The following CHCT1 variants were observed in gnomAD, a reference collection of about 807,000 sequenced individuals.
The protein encoded by CHCT1 is CHD1 helical C-terminal domain containing protein 1.
chr17:60,430,380 C>G, the CHCT1 span, among the ~76,000 whole-genome samples: 9 of 152,124 alleles, frequency 5.9e-5, no homozygotes, highest in African/African-American at 9.7e-5. Flanking sequence ...CATGGACCCA[C>G]CGGGAATGGG....
the CHCT1 span, among the ~76,000 whole-genome samples, chr17:60,430,122 C>CCTTT: frequency 4.7e-5 from 3 of 64,316 alleles, 1 homozygote; most frequent in African/African-American, 1.1e-4. Context: ...ACGCACCTGG[C>CCTTT]TTTTTTTTTT....
chr17:60,426,577 C>A, the CHCT1 span: 219 of 1,270,936 alleles, frequency 1.7e-4, 2 homozygotes, highest in East Asian at 4.8e-3. Flanking sequence ...GGCAAATCCC[C>A]ACCCCTCCAT....
chr17:60,431,086 C>A, the CHCT1 span: 1 of 823,308 alleles, frequency 1.2e-6, no homozygotes, highest in Non-Finnish European at 1.9e-6. Context: ...TGCTATTCTT[C>A]CTCTCTGCCC....
chr17:60,425,237 A>G, the CHCT1 span, among the ~76,000 whole-genome samples: 26 of 152,156 alleles, frequency 1.7e-4, no homozygotes, highest in Admixed American at 1.7e-3. Context: ...TCTTTCTCAC[A>G]GTGACATGAT....
the CHCT1 span, chr17:60,425,874 C>A: frequency 8.4e-6 from 13 of 1,550,894 alleles, no homozygotes; most frequent in African/African-American, 1.6e-4. Flanking sequence ...GATCAGGACA[C>A]CTTCAAAACT....
the CHCT1 span, among the ~76,000 whole-genome samples, chr17:60,424,167 G>T: frequency 1.3e-5 from 2 of 152,146 alleles, no homozygotes; most frequent in African/African-American, 4.8e-5. Context: ...ATTCATGAAG[G>T]ATCCACCCCC....
At chr17:60,421,845 G>C in the CHCT1 span, 1 of 985,226 alleles carries the variant, frequency 1.0e-6, no homozygotes, top group Admixed American at 6.1e-5. Context: ...CCGCCTGGTG[G>C]CTGCGCACAC....
At chr17:60,430,749 G>A in the CHCT1 span, among the ~76,000 whole-genome samples, 2 of 152,346 alleles carry the variant, frequency 1.3e-5, no homozygotes, top group Admixed American at 1.3e-4. Flanking sequence ...CCGAAGTGCT[G>A]GGATTACAGG....
chr17:60,428,982 A>G, the CHCT1 span, among the ~76,000 whole-genome samples: 1 of 151,426 alleles, frequency 6.6e-6, no homozygotes, highest in Non-Finnish European at 1.5e-5. Context: ...GGCTCACTGC[A>G]ACCTCCGCCT....
the CHCT1 span, chr17:60,421,603 G>C: frequency 2.0e-6 from 2 of 982,838 alleles, no homozygotes; most frequent in Non-Finnish European, 2.4e-6. Flanking sequence ...CGGGGGCAAC[G>C]GTCTCTCGTC....
chr17:60,426,811 G>C, the CHCT1 span: 6 of 1,603,094 alleles, frequency 3.7e-6, no homozygotes, highest in Middle Eastern at 1.6e-4. Flanking sequence ...AGCCGGCCAA[G>C]TTCCTGGTGA....
the CHCT1 span, chr17:60,431,099 A>C: frequency 1.0e-6 from 1 of 981,126 alleles, no homozygotes; most frequent in African/African-American, 1.7e-5. Flanking sequence ...CTCTGCCCCT[A>C]CAACACCCCC....
the CHCT1 span, chr17:60,426,082 G>A: frequency 7.9e-4 from 1,144 of 1,449,330 alleles, 15 homozygotes; most frequent in African/African-American, 0.013. Context: ...CGGCCAGACC[G>A]GTGTGCTGGA....
chr17:60,425,752 C>A, the CHCT1 span: 2 of 1,500,250 alleles, frequency 1.3e-6, no homozygotes, highest in African/African-American at 2.8e-5. Flanking sequence ...CGGTCCAATC[C>A]CCCGGCTTAG....
At chr17:60,421,985 A>AC in the CHCT1 span, 1 of 974,960 alleles carries the variant, frequency 1.0e-6, no homozygotes, top group South Asian at 4.7e-5. Context: ...ATCTTTATAC[A>AC]CCCCCAAAAC....
the CHCT1 span, among the ~76,000 whole-genome samples, chr17:60,429,767 C>G: frequency 6.6e-6 from 1 of 151,764 alleles, no homozygotes; most frequent in Non-Finnish European, 1.5e-5. Context: ...TTTTAGTCCC[C>G]CTCTTCCCCA....
At chr17:60,428,574 A>G in the CHCT1 span, among the ~76,000 whole-genome samples, 4 of 143,546 alleles carry the variant, frequency 2.8e-5, no homozygotes, top group Non-Finnish European at 4.5e-5. Flanking sequence ...CACAACCTCC[A>G]CCTCCAGGTT....
the CHCT1 span, chr17:60,429,215 A>G: frequency 1.2e-6 from 1 of 821,088 alleles, no homozygotes; most frequent in Non-Finnish European, 1.9e-6. Context: ...TCTCTCCCAC[A>G]TCTGTGATTC....
the CHCT1 span, chr17:60,422,693 GT>G: frequency 6.7e-7 from 1 of 1,496,330 alleles, no homozygotes; most frequent in Non-Finnish European, 9.0e-7. Context: ...GGAGGGGCTG[GT>G]TTTGGAAAGT....
Sources: allele counts gnomAD v4.1 joint callset (sites outside exome capture counted in the v4.1 genomes callset), GRCh38; gene constraint gnomAD v4.1.1; transcripts MANE v1.5; gene names NCBI Gene and HGNC (gene_info 2026-07-23, HGNC 2026-07-21).